Variants in PCSK5 observed in about 807,000 individuals in gnomAD.
PCSK5 encodes prohormone convertase 5.
A neutral mutation model predicts 233.2 loss-of-function variants in PCSK5; 129 were observed. The ratio of observed to expected loss-of-function variants is 0.55; its 90% CI spans 0.48 to 0.64. The LOEUF is 0.64. PCSK5 is among the 30% of genes least tolerant of loss of function. The pLI is 0.00. For synonymous variants in PCSK5, 825 were observed against 879.2 expected, an observed-to-expected ratio of 0.94 and a Z score of 1.09; for missense variants, 2,076 against 2,430.1, an observed-to-expected ratio of 0.85 and a Z score of 3.06.
intron 28 of PCSK5, among the ~76,000 whole-genome samples, 187 bp downstream of exon 28, chr9:76,302,404 G>T (rs17721191): frequency 6.6e-6 from 1 of 152,066 alleles, no homozygotes; most frequent in African/African-American, 2.4e-5. Flanking sequence ...GCACTCAGAG[G>T]GAAGACTGTG....
chr9:75,975,639 TA>T (rs1825984531), intron 2 of PCSK5, among the ~76,000 whole-genome samples: 1 of 152,200 alleles, frequency 6.6e-6, no homozygotes. Flanking sequence ...TGAAATGATT[TA>T]GGCACAGATT....
chr9:75,923,492 A>T (rs555866637), intron 1 of PCSK5, among the ~76,000 whole-genome samples: 29 of 152,334 alleles, frequency 1.9e-4, no homozygotes, highest in African/African-American at 6.7e-4. Flanking sequence ...ATATTGCTAT[A>T]GCTATATTGG....
intron 36 of PCSK5, among the ~76,000 whole-genome samples, chr9:76,352,719 T>TC (rs1354325270): frequency 6.6e-6 from 1 of 152,064 alleles, no homozygotes. Context: ...TAAGTAAATC[T>TC]CCCCATGATG....
chr9:76,321,454 G>A lies in PCSK5; in HGVS notation c.3917G>A (p.Arg1306His), dbSNP rs750213179. The change falls in exon 31 of 38, where the codon CGC (arginine) becomes CAC (histidine). Residue 1306 changes from arginine to histidine, a missense_variant. Physicochemically the swap from Arg to His is conservative, Grantham distance 29. Coordinates refer to ENST00000674117, the MANE Select transcript of PCSK5 (RefSeq NM_001372043.1). ...TATGCAGAAGACGGCATATGTGAAC[G>A]CTGTAGCTCTCCTTGCAGAACATGT... ...GSYAEDGICERCSSPCRTCEG... is the reference protein window; with the variant it reads ...GSYAEDGICEHCSSPCRTCEG... The A allele has an allele frequency of 1.4e-4, 221 of 1,608,910 alleles. 2 individuals carry two copies. In the Admixed American group the frequency reaches 3.3e-3, roughly 24 times the overall value.
At chr9:76,045,343 T>A (rs896182579) in intron 5 of PCSK5, among the ~76,000 whole-genome samples, 3 of 152,212 alleles carry the variant, frequency 2.0e-5, no homozygotes, top group Non-Finnish European at 4.4e-5. Context: ...TATTTCAACA[T>A]TCTTATTCAA....
At chr9:76,290,767 A>T (rs1303762670) in intron 24 of PCSK5, among the ~76,000 whole-genome samples, 1 of 152,172 alleles carries the variant, frequency 6.6e-6, no homozygotes, top group African/African-American at 2.4e-5. Context: ...CAATTACTCA[A>T]CTCTGGTTAT....
intron 1 of PCSK5, among the ~76,000 whole-genome samples, chr9:75,892,462 A>T (rs1825652448): frequency 6.6e-6 from 1 of 152,212 alleles, no homozygotes; most frequent in East Asian, 1.9e-4. Context: ...GGCTGGGCTC[A>T]GGCGAGAATC....
chr9:76,220,259 G>T (rs1309613061), intron 20 of PCSK5, among the ~76,000 whole-genome samples: 1 of 152,118 alleles, frequency 6.6e-6, no homozygotes, highest in Non-Finnish European at 1.5e-5. Context: ...GGGCATGGTG[G>T]CTCATGCCTG....
chr9:76,205,295 G>A (rs17776998), intron 20 of PCSK5: 49,545 of 517,814 alleles, frequency 0.096, 3,034 homozygotes, highest in Admixed American at 0.18. Context: ...ATGAAGACCC[G>A]CCTATGCTGT....
At chr9:76,352,619 C>T (rs1356497471) in intron 36 of PCSK5, among the ~76,000 whole-genome samples, 1 of 152,104 alleles carries the variant, frequency 6.6e-6, no homozygotes, top group Non-Finnish European at 1.5e-5. Context: ...CCACCCACCT[C>T]AGCCTCCCAA....
At chr9:76,037,473 A>T (rs973415397) in intron 5 of PCSK5, among the ~76,000 whole-genome samples, 1 of 152,224 alleles carries the variant, frequency 6.6e-6, no homozygotes, top group African/African-American at 2.4e-5. Context: ...ATATTATTAC[A>T]GGTGACAGTA....
intron 5 of PCSK5, among the ~76,000 whole-genome samples, chr9:76,046,563 T>TTG (rs1829409331): frequency 2.6e-5 from 3 of 116,918 alleles, no homozygotes; most frequent in African/African-American, 5.4e-5. Context: ...CTTTTTCTTT[T>TTG]TTTTTTTTTT....
chr9:75,993,715 AAAACGC>A (rs1826873333), intron 3 of PCSK5, among the ~76,000 whole-genome samples: 1 of 152,222 alleles, frequency 6.6e-6, no homozygotes, highest in Non-Finnish European at 1.5e-5. Flanking sequence ...CAGCAGAAAG[AAAACGC>A]ACATGGGGCG....
chr9:75,919,784 C>T (rs568196391), intron 1 of PCSK5, among the ~76,000 whole-genome samples: 1 of 152,172 alleles, frequency 6.6e-6, no homozygotes, highest in African/African-American at 2.4e-5. Flanking sequence ...GCTGCTCTTC[C>T]CCTAGTCTGG....
At chr9:76,330,289 AC>A (rs1829487690) in intron 33 of PCSK5, among the ~76,000 whole-genome samples, 1 of 152,214 alleles carries the variant, frequency 6.6e-6, no homozygotes. Flanking sequence ...GGATACTGTG[AC>A]TAGGCTTAAA....
intron 20 of PCSK5, among the ~76,000 whole-genome samples, chr9:76,200,524 G>A (rs1824872593): frequency 6.6e-6 from 1 of 152,152 alleles, no homozygotes; most frequent in South Asian, 2.1e-4. Flanking sequence ...CATCTGTCTT[G>A]TTCACAGCTG....
In PCSK5 at chr9:76,327,995, C is replaced by T; in HGVS notation, c.4340-14C>T. 6.4e-7 allele frequency: 1 copy of T among 1,569,500 alleles called. No individual in the cohort carries two copies. The highest frequency in any genetic ancestry group is 8.8e-7 in the Non-Finnish European group (1 of 1,140,348). ...CTCTCGCTCACTCTGTCTGCTGCCC[C>T]TCCACGCCCACAGATTGCCACAAGT... On this transcript the variant is annotated splice_polypyrimidine_tract_variant and intron_variant, in intron 32 of 37. Transcript: ENST00000674117.
At position 75,988,646 on chromosome 9, in the gene PCSK5, T is replaced by C. The variant is rs115939747; in HGVS notation, c.411+2401T>C. Reference sequence around the variant, plus strand: ...TGCTGAGCCTGGTCTTGAACTCCTGTGCTCAAATGATCCTCCCACTTGGCC... The same window carrying C: ...TGCTGAGCCTGGTCTTGAACTCCTGCGCTCAAATGATCCTCCCACTTGGCC... On this transcript the variant is annotated intron_variant, in intron 3 of 37. Coordinates refer to ENST00000674117, the MANE Select transcript of PCSK5 (RefSeq NM_001372043.1). Among the ~76,000 whole-genome samples the C allele has an allele frequency of 1.2e-3, 185 of 152,158 alleles. 1 individual carries two copies. The highest frequency in any genetic ancestry group is 4.3e-3 in the African/African-American group (177 of 41,524).
intron 24 of PCSK5, among the ~76,000 whole-genome samples, chr9:76,247,373 G>A (rs561624582): frequency 6.6e-5 from 10 of 152,332 alleles, no homozygotes; most frequent in South Asian, 2.1e-4. Context: ...GAGTGTAGCC[G>A]TTGCTGGCTG....
Sources: allele counts gnomAD v4.1 joint callset (sites outside exome capture counted in the v4.1 genomes callset), GRCh38; gene constraint gnomAD v4.1.1; transcripts MANE v1.5; gene names NCBI Gene and HGNC (gene_info 2026-07-23, HGNC 2026-07-21).